ADAM12: variants seen among roughly 807,000 people sequenced by gnomAD.
ADAM12 encodes disintegrin and metalloproteinase domain-containing protein 12.
In ADAM12, 70 loss-of-function variants were observed where a neutral mutation model predicts 106.4. The ratio of observed to expected loss-of-function variants is 0.66; its 90% confidence interval spans 0.54 to 0.80. ADAM12 has a LOEUF of 0.80. Among genes scored for constraint, ADAM12 ranks in the 30% least tolerant of loss-of-function variants. ADAM12 has a pLI of 0.00. For synonymous variants in ADAM12, 420 were observed against 433.5 expected, an observed-to-expected ratio of 0.97 and a Z score of 0.39; for missense variants, 1,010 against 1,171.9, an observed-to-expected ratio of 0.86 and a Z score of 2.02.
Position 126,014,489 on chromosome 10 carries a change from G to T in ADAM12, c.*2790C>A, listed in dbSNP as rs1189589053. On this transcript the variant is annotated 3_prime_UTR_variant, in exon 23 of 23. Transcript: ENST00000448723. ...TACAGTTTAATTTGCTGCTTTTGTG[G>T]TTTCTGTGATGTCATCCCACATGTG... The T allele has an allele frequency of 6.7e-6, 1 of 149,834 alleles. No individual in the cohort carries two copies. Among genetic ancestry groups the T allele is most frequent in the Non-Finnish European group, 1.5e-5 (1 of 67,590 alleles). The allele number at this position is 149,834 out of a possible 1,614,324, so 9.3% of individuals were successfully genotyped here.
intron 5 of ADAM12, among the ~76,000 whole-genome samples, chr10:126,124,130 AT>A (rs1956160294): frequency 6.6e-6 from 1 of 152,088 alleles, no homozygotes; most frequent in Non-Finnish European, 1.5e-5. Context: ...TGGCACATGG[AT>A]TTTGACTGCC....
chr10:126,109,222 A>T (rs1474431137), intron 7 of ADAM12, among the ~76,000 whole-genome samples: 2 of 152,222 alleles, frequency 1.3e-5, no homozygotes, highest in Non-Finnish European at 2.9e-5. Context: ...ATGAGAAAAT[A>T]TCACCCAATC....
At chr10:126,151,532 T>A (rs1371783686) in intron 4 of ADAM12, among the ~76,000 whole-genome samples, 2 of 152,172 alleles carry the variant, frequency 1.3e-5, no homozygotes, top group African/African-American at 4.8e-5. Context: ...TTTTTGCAAC[T>A]ACGTCCATAA....
At chr10:126,081,917 G>A (rs894955796) in intron 11 of ADAM12, among the ~76,000 whole-genome samples, 5 of 152,190 alleles carry the variant, frequency 3.3e-5, no homozygotes, top group Non-Finnish European at 5.9e-5. Context: ...AATAGAGCAC[G>A]CTTTACACTG....
At chr10:126,077,034 T>A (rs1000361578) in intron 11 of ADAM12, among the ~76,000 whole-genome samples, 1 of 152,218 alleles carries the variant, frequency 6.6e-6, no homozygotes, top group African/African-American at 2.4e-5. Context: ...CTCCTGGAGC[T>A]GATAAATGAA....
chr10:126,215,437 G>C (rs1205200581), intron 3 of ADAM12, among the ~76,000 whole-genome samples: 16 of 152,150 alleles, frequency 1.1e-4, no homozygotes. Context: ...CCTTCCCCTT[G>C]AGGAATTTGT....
intron 5 of ADAM12, among the ~76,000 whole-genome samples, chr10:126,131,288 T>C (rs1232317803): frequency 6.6e-6 from 1 of 152,064 alleles, no homozygotes; most frequent in African/African-American, 2.4e-5. Context: ...ACTCTGATTG[T>C]TTCACAGATG....
At chr10:126,091,283 A>G (rs903324471) in intron 11 of ADAM12, among the ~76,000 whole-genome samples, 1 of 152,234 alleles carries the variant, frequency 6.6e-6, no homozygotes, top group African/African-American at 2.4e-5. Flanking sequence ...CGGAGACACT[A>G]TGAGGTAAGA....
At chr10:126,021,261 A>G in intron 21 of ADAM12, among the ~76,000 whole-genome samples, 1 of 152,212 alleles carries the variant, frequency 6.6e-6, no homozygotes, top group Non-Finnish European at 1.5e-5. Context: ...AAGTGCTTCA[A>G]TTCACCATCA....
intron 2 of ADAM12, among the ~76,000 whole-genome samples, chr10:126,319,620 G>T (rs1026949551): frequency 6.6e-6 from 1 of 152,114 alleles, no homozygotes; most frequent in South Asian, 2.1e-4. Context: ...CACTGAACAC[G>T]ATATAATGTG....
At chr10:126,272,924 TG>T (rs1369045119) in intron 3 of ADAM12, 1 of 207,136 alleles carries the variant, frequency 4.8e-6, no homozygotes. Context: ...TGGGACAATG[TG>T]GATGAAACCA....
rs1262145613 is a variant in ADAM12, at chr10:126,049,865, G to A, written c.1610-196C>T. Among the ~76,000 whole-genome samples the A allele has an allele frequency of 6.6e-6, 1 of 152,132 alleles. No homozygotes were observed. The highest frequency in any genetic ancestry group is 2.4e-5 in the African/African-American group (1 of 41,426). ...CGCATCCTCTCTTGACTCGGCCTCT[G>A]GCAGAGCACATGTTCCAATGCTTAC... On this transcript the variant is annotated intron_variant, in intron 14 of 22. Coordinates refer to ENST00000448723, the MANE Select transcript of ADAM12 (RefSeq NM_001288973.2). The surrounding 1 kb of genome is among the most constrained non-coding windows in gnomAD (Gnocchi z 4.4).
rs1228417824 is a variant in ADAM12, at chr10:126,122,659, G to A, written c.417-4435C>T. Among the ~76,000 whole-genome samples the A allele has an allele frequency of 2.6e-5, 4 of 152,132 alleles. No homozygotes were observed. In the East Asian group the frequency reaches 7.7e-4, roughly 29 times the overall value. Reference sequence around the variant, plus strand: ...ACCTGTAGTCCCAGCTACTTGGGAGGCTGATGTGGGAGAATCGCTTGAACC... The same window carrying A: ...ACCTGTAGTCCCAGCTACTTGGGAGACTGATGTGGGAGAATCGCTTGAACC... On this transcript the variant is annotated intron_variant, in intron 5 of 22. Coordinates refer to ENST00000448723, the MANE Select transcript of ADAM12 (RefSeq NM_001288973.2).
chr10:126,091,597 C>A (rs1955465704), intron 11 of ADAM12, among the ~76,000 whole-genome samples: 1 of 115,498 alleles, frequency 8.7e-6, no homozygotes, highest in South Asian at 3.5e-4. Flanking sequence ...ATTAGCAAAC[C>A]CCTGGTAATG....
intron 8 of ADAM12, among the ~76,000 whole-genome samples, chr10:126,104,251 G>A (rs1265810765): frequency 6.6e-6 from 1 of 152,032 alleles, no homozygotes; most frequent in Non-Finnish European, 1.5e-5. Flanking sequence ...GGAGTTTGAG[G>A]CCAGCCTGTC....
intron 13 of ADAM12, among the ~76,000 whole-genome samples, chr10:126,065,563 GC>G (rs1202644475): frequency 1.3e-5 from 2 of 152,166 alleles, no homozygotes; most frequent in Non-Finnish European, 2.9e-5. Context: ...GATGTTAGAA[GC>G]CATCTGACCA....
intron 3 of ADAM12, among the ~76,000 whole-genome samples, chr10:126,191,225 C>T (rs551054456): frequency 1.3e-5 from 2 of 152,054 alleles, no homozygotes; most frequent in South Asian, 4.2e-4. Flanking sequence ...TGGTATTGAA[C>T]TCCTGCCCTC....
At chr10:126,175,341 G>A (rs1957200843) in intron 3 of ADAM12, among the ~76,000 whole-genome samples, 1 of 152,098 alleles carries the variant, frequency 6.6e-6, no homozygotes, top group Non-Finnish European at 1.5e-5. Context: ...CTGCTGGCGG[G>A]GCAACCTTAC....
intron 2 of ADAM12, among the ~76,000 whole-genome samples, chr10:126,287,911 G>A (rs560235076): frequency 3.3e-5 from 5 of 151,936 alleles, no homozygotes; most frequent in Non-Finnish European, 4.4e-5. Context: ...ATTTGTCAGC[G>A]TGCTCCACAT....
Sources: gnomAD v4.1 joint callset for allele counts (sites outside exome capture counted in the v4.1 genomes callset) on GRCh38, gnomAD v4.1.1 for gene constraint, Gnocchi (gnomAD v3.1) non-coding constraint, MANE v1.5 for transcripts, NCBI Gene and HGNC (gene_info 2026-07-23, HGNC 2026-07-21) for gene names.